The following PTPRD variants were observed in gnomAD, a reference collection of about 807,000 sequenced individuals.
PTPRD encodes receptor-type tyrosine-protein phosphatase delta.
Under a neutral mutation model 214.5 loss-of-function variants are expected in PTPRD, and 34 were observed. That is an observed-to-expected ratio of 0.16 (90% CI 0.12 to 0.21). The LOEUF (loss-of-function observed/expected upper bound fraction) is 0.21. PTPRD is among the 10% of genes least tolerant of loss of function. PTPRD has a pLI of 1.00. For missense variants in PTPRD, 2,545 were observed against 2,398.7 expected (o/e 1.06, Z -1.27); for synonymous variants, 1,128 against 845.7 (o/e 1.33, Z -5.79).
At chr9:10,210,807 ATATATATATATATATG>A (rs2099512953) in intron 3 of PTPRD, among the ~76,000 whole-genome samples, 1 of 92,984 alleles carries the variant, frequency 1.1e-5, no homozygotes, top group African/African-American at 5.1e-5. Flanking sequence ...ATATATATAT[ATATATATATATATATG>A]TATGTATGTA....
At chr9:8,940,468 T>C (rs1156578744) in intron 11 of PTPRD, among the ~76,000 whole-genome samples, 1 of 140,554 alleles carries the variant, frequency 7.1e-6, no homozygotes, top group African/African-American at 2.7e-5. Context: ...TTTTTTGGTA[T>C]TTTTAATAGA....
chr9:10,295,211 AC>A, intron 3 of PTPRD, among the ~76,000 whole-genome samples: 1 of 152,088 alleles, frequency 6.6e-6, no homozygotes, highest in Non-Finnish European at 1.5e-5. Flanking sequence ...TTTCCTAAAA[AC>A]AAAGACCATC....
chr9:9,460,053 C>T (rs2093490902), intron 8 of PTPRD, among the ~76,000 whole-genome samples: 1 of 151,984 alleles, frequency 6.6e-6, no homozygotes. Flanking sequence ...TACCTACAAC[C>T]ATCTGGTCTT....
intron 11 of PTPRD, among the ~76,000 whole-genome samples, chr9:8,783,218 G>A (rs1181548133): frequency 1.3e-5 from 2 of 152,146 alleles, no homozygotes; most frequent in Non-Finnish European, 2.9e-5. Context: ...CAAAATGATT[G>A]TAATTATATA....
At chr9:9,061,835 G>A (rs538919452) in intron 10 of PTPRD, among the ~76,000 whole-genome samples, 14 of 152,116 alleles carry the variant, frequency 9.2e-5, no homozygotes, top group African/African-American at 3.4e-4. Context: ...CTATCCTCCT[G>A]TAGAGAGGCA....
intron 10 of PTPRD, among the ~76,000 whole-genome samples, chr9:9,047,326 AC>A (rs1303749312): frequency 6.6e-6 from 1 of 152,112 alleles, no homozygotes; most frequent in African/African-American, 2.4e-5. Context: ...TGCGCATACT[AC>A]CCAAAGCAAT....
intron 10 of PTPRD, among the ~76,000 whole-genome samples, chr9:9,159,815 G>A (rs756977682): frequency 3.3e-5 from 5 of 152,086 alleles, no homozygotes; most frequent in Non-Finnish European, 5.9e-5. Context: ...AATACAAAGT[G>A]ATTGTAATAA....
chr9:10,256,807 C>G (rs189716233), intron 3 of PTPRD, among the ~76,000 whole-genome samples: 49 of 152,314 alleles, frequency 3.2e-4, no homozygotes, highest in African/African-American at 1.1e-3. Context: ...GCCACATCAT[C>G]TTTGCACATG....
chr9:9,309,124 C>A (rs554330865), intron 9 of PTPRD, among the ~76,000 whole-genome samples: 36 of 151,682 alleles, frequency 2.4e-4, no homozygotes, highest in Non-Finnish European at 4.3e-4. Flanking sequence ...TTTCCTCCTT[C>A]AAAAAAGATA....
At chr9:10,405,382 A>T (rs1396934844) in intron 2 of PTPRD, among the ~76,000 whole-genome samples, 1 of 151,828 alleles carries the variant, frequency 6.6e-6, no homozygotes, top group South Asian at 2.1e-4. Context: ...AAATCTGTTA[A>T]CAAGAAAAGT....
intron 2 of PTPRD, among the ~76,000 whole-genome samples, chr9:10,400,135 T>A (rs2098245602): frequency 6.6e-6 from 1 of 151,820 alleles, no homozygotes; most frequent in Admixed American, 6.6e-5. Flanking sequence ...TCAATTCTCG[T>A]CTCCTTCACT....
chr9:10,462,022 A>G (rs1170326601), intron 2 of PTPRD, among the ~76,000 whole-genome samples: 1 of 152,200 alleles, frequency 6.6e-6, no homozygotes, highest in East Asian at 1.9e-4. Context: ...AGAAGCTATG[A>G]GGAGATGTAG....
At chr9:9,324,138 T>C (rs952759129) in intron 9 of PTPRD, among the ~76,000 whole-genome samples, 7 of 152,180 alleles carry the variant, frequency 4.6e-5, no homozygotes, top group African/African-American at 1.4e-4. Flanking sequence ...TGAATAGTGT[T>C]GCAATAAACA....
intron 2 of PTPRD, among the ~76,000 whole-genome samples, chr9:10,475,646 T>C (rs2099057847): frequency 1.3e-5 from 2 of 152,224 alleles, no homozygotes; most frequent in African/African-American, 4.8e-5. Flanking sequence ...AGAATCATCC[T>C]GATTCCAAAA....
intron 34 of PTPRD, chr9:8,437,285 C>A (rs772180916): frequency 1.6e-5 from 21 of 1,319,826 alleles, no homozygotes; most frequent in South Asian, 7.8e-5. Flanking sequence ...AGAACAAATT[C>A]TTCAAAAAAA....
At chr9:8,374,335 T>A (rs1337900425) in intron 39 of PTPRD, among the ~76,000 whole-genome samples, 1 of 151,890 alleles carries the variant, frequency 6.6e-6, no homozygotes, top group African/African-American at 2.4e-5. Flanking sequence ...CATTGGCTCT[T>A]TGAGGCCTGC....
intron 2 of PTPRD, among the ~76,000 whole-genome samples, chr9:10,436,219 C>A (rs755081460): frequency 9.2e-5 from 14 of 151,706 alleles, no homozygotes; most frequent in Non-Finnish European, 1.9e-4. Context: ...CAAGATAATT[C>A]TTCTCTCTAT....
intron 7 of PTPRD, among the ~76,000 whole-genome samples, chr9:9,596,757 T>C (rs1195642782): frequency 3.3e-5 from 5 of 151,994 alleles, no homozygotes; most frequent in African/African-American, 1.2e-4. Flanking sequence ...AGGCAATGAA[T>C]TGAAATAATG....
chr9:10,609,947 A>G (rs1454672226), intron 2 of PTPRD, among the ~76,000 whole-genome samples: 1 of 152,158 alleles, frequency 6.6e-6, no homozygotes, highest in Non-Finnish European at 1.5e-5. Context: ...ATGCAGGTAT[A>G]CAGCACTTTA....
Sources: allele counts gnomAD v4.1 joint callset (sites outside exome capture counted in the v4.1 genomes callset), GRCh38; gene constraint gnomAD v4.1.1; transcripts MANE v1.5; gene names NCBI Gene and HGNC (gene_info 2026-07-23, HGNC 2026-07-21).